PTCHD4: variants seen among roughly 807,000 people sequenced by gnomAD.
PTCHD4 encodes the protein patched domain-containing protein 4.
PTCHD4 carries 33 observed loss-of-function variants against 58.1 expected under a neutral mutation model. That is an observed-to-expected ratio of 0.57 (90% confidence interval 0.43 to 0.76). The LOEUF is 0.76. PTCHD4 is among the 30% of genes least tolerant of loss of function. The pLI is 0.00. For synonymous variants in PTCHD4, 478 were observed against 409.6 expected (o/e 1.17, Z -2.02); for missense variants, 1,058 against 1,027.1 (o/e 1.03, Z -0.41).
intron 3 of PTCHD4, among the ~76,000 whole-genome samples, chr6:48,038,473 C>T (rs1448031007): frequency 6.6e-6 from 1 of 151,520 alleles, no homozygotes; most frequent in Non-Finnish European, 1.5e-5. Context: ...GAAACCCCAT[C>T]TCTACTTAAA....
rs577623919 is a variant in PTCHD4 at position 47,924,506 on chromosome 6, G to C, written c.899-44570C>G. ...ACTTTCTTTCGAGTATCATGGGCTGGTTCCTTAAACTCTGTGAGTCTCAGT... is the reference window on the plus strand; with the variant it reads ...ACTTTCTTTCGAGTATCATGGGCTGCTTCCTTAAACTCTGTGAGTCTCAGT... On this transcript the variant is annotated intron_variant, in intron 4 of 4. Coordinates refer to ENST00000339488, the MANE Select transcript of PTCHD4 (RefSeq NM_001384253.1). 2.6e-5 allele frequency among the ~76,000 whole-genome samples: 4 copies of C among 152,144 alleles called. No individual in the cohort carries two copies. In the South Asian group the frequency reaches 6.2e-4, roughly 24 times the overall value.
intron 4 of PTCHD4, among the ~76,000 whole-genome samples, chr6:47,894,682 T>C (rs1561943540): frequency 1.3e-5 from 2 of 152,378 alleles, no homozygotes; most frequent in South Asian, 2.1e-4. Flanking sequence ...ATTTCTAAGA[T>C]TCATTCTTGA....
At chr6:48,088,002 A>G (rs1438779333) in intron 1 of PTCHD4, among the ~76,000 whole-genome samples, 3 of 152,204 alleles carry the variant, frequency 2.0e-5, no homozygotes, top group African/African-American at 7.2e-5. Context: ...ATATAACCCA[A>G]TTGGCTGCAG....
intron 1 of PTCHD4, among the ~76,000 whole-genome samples, chr6:48,080,297 T>A (rs1042534578): frequency 1.3e-5 from 2 of 152,228 alleles, no homozygotes; most frequent in Non-Finnish European, 2.9e-5. Flanking sequence ...ATCCAAGTTT[T>A]ATATGACTGT....
At chr6:48,103,052 G>A (rs1309684046) in intron 1 of PTCHD4, among the ~76,000 whole-genome samples, 4 of 152,216 alleles carry the variant, frequency 2.6e-5, no homozygotes, top group Non-Finnish European at 5.9e-5. Flanking sequence ...ACAAAAGACA[G>A]CAATAACCTC....
chr6:48,078,924 G>T (rs1417629410), intron 1 of PTCHD4, among the ~76,000 whole-genome samples: 2 of 151,844 alleles, frequency 1.3e-5, no homozygotes, highest in Non-Finnish European at 2.9e-5. Flanking sequence ...CGAGACCATC[G>T]TGGCTAACAC....
intron 4 of PTCHD4, among the ~76,000 whole-genome samples, chr6:47,974,700 A>G (rs1480959820): frequency 6.6e-6 from 1 of 152,190 alleles, no homozygotes; most frequent in Non-Finnish European, 1.5e-5. Flanking sequence ...AAAATATTTG[A>G]TTTTGGAAGG....
At chr6:48,088,209 G>T (rs929709108) in intron 1 of PTCHD4, among the ~76,000 whole-genome samples, 2 of 152,042 alleles carry the variant, frequency 1.3e-5, no homozygotes, top group South Asian at 4.1e-4. Context: ...GTTTTTTAGA[G>T]GTCTCATTTG....
intron 4 of PTCHD4, among the ~76,000 whole-genome samples, chr6:47,967,182 TA>T (rs1197111740): frequency 3.3e-5 from 5 of 152,216 alleles, no homozygotes; most frequent in Non-Finnish European, 5.9e-5. Flanking sequence ...ATTGTGTTAG[TA>T]AGCATACAAA....
chr6:48,010,842 G>C (rs1429635437), intron 3 of PTCHD4, among the ~76,000 whole-genome samples: 2 of 152,094 alleles, frequency 1.3e-5, no homozygotes, highest in African/African-American at 4.8e-5. Flanking sequence ...GTGAGTGTTT[G>C]GTTTTCTGTT....
intron 3 of PTCHD4, among the ~76,000 whole-genome samples, chr6:48,026,239 CT>C (rs1222227907): frequency 6.6e-6 from 1 of 152,124 alleles, no homozygotes; most frequent in African/African-American, 2.4e-5. Context: ...GGCTAGAAGT[CT>C]TTCTTCCTGG....
chr6:48,049,281 T>C (rs1338803226), intron 3 of PTCHD4, among the ~76,000 whole-genome samples: 1 of 151,808 alleles, frequency 6.6e-6, no homozygotes. Flanking sequence ...CAAAGAATCA[T>C]CTGGCCCCAA....
chr6:48,110,586 G>C (rs74706497), intron 1 of PTCHD4, among the ~76,000 whole-genome samples: 4,907 of 150,574 alleles, frequency 0.033, 113 homozygotes, highest in Non-Finnish European at 0.045. Flanking sequence ...TAATAATATT[G>C]TATTGTATAC....
intron 3 of PTCHD4, among the ~76,000 whole-genome samples, chr6:48,060,780 T>C (rs1219756931): frequency 6.6e-6 from 1 of 152,208 alleles, no homozygotes; most frequent in Non-Finnish European, 1.5e-5. Context: ...TGACACGCCT[T>C]CAGCCTTTGA....
At chr6:47,940,239 G>A (rs1041555689) in intron 4 of PTCHD4, among the ~76,000 whole-genome samples, 1 of 151,566 alleles carries the variant, frequency 6.6e-6, no homozygotes, top group Admixed American at 6.6e-5. Flanking sequence ...ATTTCACTGG[G>A]TAATGTAACC....
At chr6:47,995,940 A>G (rs1180814814) in intron 4 of PTCHD4, among the ~76,000 whole-genome samples, 1 of 152,198 alleles carries the variant, frequency 6.6e-6, no homozygotes. Context: ...GTCGAATGGT[A>G]GAGGAATGGC....
chr6:47,908,470 A>T (rs140910533), intron 4 of PTCHD4, among the ~76,000 whole-genome samples: 206 of 152,304 alleles, frequency 1.4e-3, no homozygotes, highest in African/African-American at 4.8e-3. Context: ...ATTCTGCTCC[A>T]CATGGCTTCT....
chr6:48,034,555 A>G (rs571957066), intron 3 of PTCHD4, among the ~76,000 whole-genome samples: 1 of 152,270 alleles, frequency 6.6e-6, no homozygotes, highest in East Asian at 1.9e-4. Context: ...CTGAGGGTGG[A>G]AAAACAATAA....
At chr6:48,040,466 A>T (rs1406370011) in intron 3 of PTCHD4, among the ~76,000 whole-genome samples, 1 of 40,430 alleles carries the variant, frequency 2.5e-5, no homozygotes, top group African/African-American at 9.3e-5. Flanking sequence ...GGAGTCAGAA[A>T]GAAAGGAAAA....
Sources: gnomAD v4.1 joint callset for allele counts (sites outside exome capture counted in the v4.1 genomes callset) on GRCh38, gnomAD v4.1.1 for gene constraint, MANE v1.5 for transcripts, NCBI Gene and HGNC (gene_info 2026-07-23, HGNC 2026-07-21) for gene names.